CEACAM1: variants seen among roughly 807,000 people sequenced by gnomAD.
The protein encoded by CEACAM1 is cell adhesion molecule CEACAM1.
In CEACAM1, 31 loss-of-function variants were observed where a neutral mutation model predicts 49.1. That is an observed-to-expected ratio of 0.63 (90% CI 0.47 to 0.85). CEACAM1 has a LOEUF of 0.85. Among genes scored for constraint, CEACAM1 ranks in the 40% least tolerant of loss-of-function variants. The probability of loss-of-function intolerance (pLI) is 0.00; values close to 1 mark genes in which losing one functional copy is unlikely to be tolerated. For missense variants in CEACAM1, 570 were observed against 645.3 expected, an observed-to-expected ratio of 0.88 and a Z score of 1.26; for synonymous variants, 244 against 247.8, an observed-to-expected ratio of 0.98 and a Z score of 0.14.
Position 42,509,177 on chromosome 19 carries a change from G to T in CEACAM1, c.1513C>A (p.Gln505Lys), listed in dbSNP as rs143084069. Reference protein sequence around the residue: ...TLNFEAQQPTQPTSASPSLTA... With the variant: ...TLNFEAQQPTKPTSASPSLTA... ...AGGGATGGGGAGGCTGAAGTTGGTT[G>T]TGTGGGTTGCTGGGCTTCAAAGTTC... The change falls in exon 9 of 9, where the codon CAA becomes AAA. Residue 505 changes from glutamine to lysine, a missense_variant. Gln to Lys is a moderately conservative substitution (Grantham distance 53, BLOSUM62 1). Coordinates refer to ENST00000161559, the MANE Select transcript of CEACAM1 (RefSeq NM_001712.5). 615 of 1,614,026 alleles carry T rather than the reference G, an allele frequency of 3.8e-4. 1 individual carries two copies. Among genetic ancestry groups the T allele is most frequent in the Non-Finnish European group, 1.6e-4 (194 of 1,179,926 alleles).
In CEACAM1 at chr19:42,519,224, C is replaced by G. The variant is rs1394109688; in HGVS notation, c.970G>C (p.Val324Leu). 1.9e-6 allele frequency: 3 copies of G among 1,614,012 alleles called. No individual in the cohort carries two copies. Among genetic ancestry groups the G allele is most frequent in the Non-Finnish European group, 2.5e-6 (3 of 1,180,006 alleles). The stretch of plus-strand genomic sequence containing the variant: ...GCTTTGATTTGGGGCTTTGCTACTA[C>G]TGGACTTAGCTCTGTGGACAAGCAG... ...KTIIVTELSP[V>L]VAKPQIKASK... Residue 324 changes from valine to leucine, a missense_variant, in exon 5 of 9, where the codon GTA becomes CTA. Coordinates refer to ENST00000161559, the MANE Select transcript of CEACAM1 (RefSeq NM_001712.5).
chr19:42,512,714 G>T (rs866598305), intron 5 of CEACAM1, among the ~76,000 whole-genome samples: 5 of 137,864 alleles, frequency 3.6e-5, no homozygotes, highest in South Asian at 4.5e-4. Flanking sequence ...GTCTTGCTCT[G>T]TCTCTCAGGC....
chr19:42,511,573 T>TA lies in CEACAM1; in HGVS notation c.1429+2dup. The TA allele has an allele frequency of 6.2e-7, 1 of 1,613,544 alleles. No homozygotes were observed. The highest frequency in any genetic ancestry group is 8.5e-7 in the Non-Finnish European group (1 of 1,179,734). On this transcript the variant is annotated splice_region_variant and intron_variant, in intron 7 of 8. Coordinates refer to ENST00000161559, the MANE Select transcript of CEACAM1 (RefSeq NM_001712.5). The stretch of plus-strand genomic sequence containing the variant: ...TCTCACTGGGGTAAGTGGCTTTACT[T>TA]ACTGTGGTTGGAGACTGAGGGTTTG...
chr19:42,517,119 G>T (rs1012943681), intron 5 of CEACAM1, among the ~76,000 whole-genome samples: 1 of 152,112 alleles, frequency 6.6e-6, no homozygotes, highest in African/African-American at 2.4e-5. Flanking sequence ...TGAAGAAACT[G>T]GATATCCATG....
chr19:42,508,989 G>T lies in CEACAM1; in HGVS notation c.*120C>A. ...CCTGGAGATGCCTATTAGGAAGGAA[G>T]AGTAGGAGAAAGTTGTTTCTGTCCC... On this transcript the variant is annotated 3_prime_UTR_variant, in exon 9 of 9. Transcript: ENST00000161559. 8.5e-7 allele frequency: 1 copy of T among 1,178,846 alleles called. No individual in the cohort carries two copies. Among genetic ancestry groups the T allele is most frequent in the Non-Finnish European group, 1.2e-6 (1 of 817,518 alleles). 73.0% of individuals were successfully genotyped at this position (1,178,846 alleles called of 1,614,324 possible). A position where few individuals can be genotyped will look rare whatever the true frequency, so the allele number is the denominator to read the frequency against.
At chr19:42,515,663 CG>C (rs2041582335) in intron 5 of CEACAM1, among the ~76,000 whole-genome samples, 1 of 143,552 alleles carries the variant, frequency 7.0e-6, no homozygotes, top group African/African-American at 2.8e-5. Context: ...TGTCTCAAAC[CG>C]AAAAAAAAAA....
rs1226569125 is a variant in CEACAM1 at position 42,527,321 on chromosome 19, C to T, written c.144G>A (p.Gly48=). The T allele has an allele frequency of 6.2e-7, 1 of 1,614,076 alleles. No homozygotes were observed. The highest frequency in any genetic ancestry group is 8.5e-7 in the Non-Finnish European group (1 of 1,179,964). The change falls in exon 2 of 9, where the codon GGG becomes GGA. Residue 48 remains glycine (G), a synonymous_variant. Transcript: ENST00000161559. ...TGTGGACAAGGAGAAGAACCTCCTT[C>T]CCCTCTGCAACATTGAATGGCATGG... ...TESMPFNVAE[G]KEVLLLVHNL...
intron 5 of CEACAM1, chr19:42,518,622 C>T (rs552378376): frequency 5.2e-4 from 156 of 297,302 alleles, no homozygotes; most frequent in Admixed American, 2.5e-4. Flanking sequence ...CTCAGCCTCC[C>T]GAGTAGCTGG....
Position 42,508,230 on chromosome 19 carries a change from T to C in CEACAM1, c.*879A>G, listed in dbSNP as rs1019202264. On this transcript the variant is annotated 3_prime_UTR_variant, in exon 9 of 9. Transcript: ENST00000161559. Reference sequence around the variant, plus strand: ...AATCCCAATACCCCAAATTGTGTATTCTTTAACAATAATTTAAATAATCGC... The same window carrying C: ...AATCCCAATACCCCAAATTGTGTATCCTTTAACAATAATTTAAATAATCGC... The C allele has an allele frequency of 6.6e-6, 1 of 152,238 alleles. No individual in the cohort carries two copies. The highest frequency in any genetic ancestry group is 1.5e-5 in the Non-Finnish European group (1 of 68,034). The allele number at this position is 152,238 out of a possible 1,614,324, so 9.4% of individuals were successfully genotyped here. A position where few individuals can be genotyped will look rare whatever the true frequency, so the allele number is the denominator to read the frequency against.
At chr19:42,521,631 C>T (rs2041750396) in intron 3 of CEACAM1, 110 bp from the exon 4 acceptor site, 2 of 1,532,438 alleles carry the variant, frequency 1.3e-6, no homozygotes, top group South Asian at 2.6e-5. Context: ...ACCCTGAAGT[C>T]CTAACCAAAC....
chr19:42,522,013 A>T lies in CEACAM1; in HGVS notation c.614T>A (p.Val205Asp). 1 of 1,614,214 alleles carries T rather than the reference A, an allele frequency of 6.2e-7. No homozygotes were observed. Among genetic ancestry groups the T allele is most frequent in the Non-Finnish European group, 8.5e-7 (1 of 1,180,040 alleles). Residue 205 changes from valine to aspartate, a missense_variant, in exon 3 of 9, where the codon GTC becomes GAC. By Grantham distance (152) the Val-to-Asp change is radical (BLOSUM62 -3). Transcript: ENST00000161559. ...NGNRTLTLLS[V>D]TRNDTGPYEC... The stretch of plus-strand genomic sequence containing the variant: ...ATAGGGTCCTGTGTCATTCCTTGTG[A>T]CACTGAGTAGAGTGAGGGTCCTGTT...
In CEACAM1 at chr19:42,508,672, C is replaced by T. The variant is rs903355679; in HGVS notation, c.*437G>A. 4.3e-5 allele frequency: 7 copies of T among 161,982 alleles called. No individual in the cohort carries two copies. Among genetic ancestry groups the T allele is most frequent in the Admixed American group, 3.4e-4 (6 of 17,484 alleles). 10.0% of individuals were successfully genotyped at this position (161,982 alleles called of 1,614,324 possible). On this transcript the variant is annotated 3_prime_UTR_variant, in exon 9 of 9. Transcript: ENST00000161559. ...GAAGGCATTACTGCCTTTACTTTCT[C>T]TCTCTCTTGTTTCCTGGCACATGTA...
At chr19:42,525,501 T>C (rs947966469) in intron 2 of CEACAM1, 1 of 152,092 alleles carries the variant, frequency 6.6e-6, no homozygotes, top group African/African-American at 2.4e-5. Flanking sequence ...GTGCTGGGAT[T>C]ACAGGTGTGA....
In CEACAM1 at chr19:42,508,998, A is replaced by G; in HGVS notation, c.*111T>C. 7.6e-7 allele frequency: 1 copy of G among 1,317,344 alleles called. No homozygotes were observed. The highest frequency in any genetic ancestry group is 1.1e-6 in the Non-Finnish European group (1 of 937,674). The allele number at this position is 1,317,344 out of a possible 1,614,324, so 81.6% of individuals were successfully genotyped here. A position where few individuals can be genotyped will look rare whatever the true frequency, so the allele number is the denominator to read the frequency against. On this transcript the variant is annotated 3_prime_UTR_variant, in exon 9 of 9. Coordinates refer to ENST00000161559, the MANE Select transcript of CEACAM1 (RefSeq NM_001712.5). Reference sequence around the variant, plus strand: ...GCCTATTAGGAAGGAAGAGTAGGAGAAAGTTGTTTCTGTCCCCACCCCTCT... The same window carrying G: ...GCCTATTAGGAAGGAAGAGTAGGAGGAAGTTGTTTCTGTCCCCACCCCTCT...
chr19:42,527,464 C>T (rs2041920559), intron 1 of CEACAM1, 64 bp from the exon 2 acceptor site: 2 of 1,528,808 alleles, frequency 1.3e-6, no homozygotes, highest in Admixed American at 2.2e-5. Flanking sequence ...AAAAATGGGG[C>T]CTTGGGTCCT....
At chr19:42,524,224 C>A (rs992906798) in intron 2 of CEACAM1, among the ~76,000 whole-genome samples, 7 of 152,204 alleles carry the variant, frequency 4.6e-5, no homozygotes, top group Non-Finnish European at 8.8e-5. Flanking sequence ...ACAATGGTGT[C>A]ATCATGAGGA....
chr19:42,519,746 T>A (rs2041696468), intron 4 of CEACAM1, among the ~76,000 whole-genome samples: 1 of 151,992 alleles, frequency 6.6e-6, no homozygotes, highest in Non-Finnish European at 1.5e-5. Flanking sequence ...ATTTTTTGTA[T>A]TTTTAGTAGA....
rs2041363770 is a variant in CEACAM1 at position 42,507,509 on chromosome 19, T to A, written c.*1600A>T. ...CAAGCTAATCCTCCTGGAGAAAGCC[T>A]CTTAGGCCTAACATGAGATCAGGTA... On this transcript the variant is annotated 3_prime_UTR_variant, in exon 9 of 9. Transcript: ENST00000161559. 1 of 152,182 alleles carries A rather than the reference T, an allele frequency of 6.6e-6. No homozygotes were observed. Among genetic ancestry groups the A allele is most frequent in the Non-Finnish European group, 1.5e-5 (1 of 68,030 alleles). The allele number at this position is 152,182 out of a possible 1,614,324, so 9.4% of individuals were successfully genotyped here. A position where few individuals can be genotyped will look rare whatever the true frequency, so the allele number is the denominator to read the frequency against.
At chr19:42,509,672 G>T (rs2041408318) in intron 8 of CEACAM1, among the ~76,000 whole-genome samples, 1 of 152,060 alleles carries the variant, frequency 6.6e-6, no homozygotes, top group Admixed American at 6.5e-5. Context: ...TGTCGCCCAG[G>T]CTGGAGTGCA....
Sources: allele counts gnomAD v4.1 joint callset (sites outside exome capture counted in the v4.1 genomes callset), GRCh38; gene constraint gnomAD v4.1.1; transcripts MANE v1.5; gene names NCBI Gene and HGNC (gene_info 2026-07-23, HGNC 2026-07-21).